The following KDM4C variants were observed in gnomAD, a reference collection of about 807,000 sequenced individuals.
KDM4C encodes the protein lysine demethylase 4C, also known as lysine-specific demethylase 4C.
In KDM4C, 81 loss-of-function variants were observed where a neutral mutation model predicts 129.3. The observed-to-expected ratio is 0.63, with a 90% CI of 0.52 to 0.75. KDM4C has a LOEUF of 0.75. Ranked by LOEUF, KDM4C falls within the 30% of genes least tolerant of loss-of-function variation. KDM4C has a pLI of 0.00. For missense variants in KDM4C, 1,457 were observed against 1,304.0 expected (o/e 1.12, Z -1.81); for synonymous variants, 573 against 456.1 (o/e 1.26, Z -3.26).
At chr9:7,165,729 C>T (rs1844312721) in intron 20 of KDM4C, among the ~76,000 whole-genome samples, 1 of 152,204 alleles carries the variant, frequency 6.6e-6, no homozygotes, top group East Asian at 1.9e-4. Context: ...ACCAGCAGCC[C>T]CTGAAGTGGT....
At chr9:6,734,906 G>T (rs1817473379) in intron 1 of KDM4C, 2 of 569,568 alleles carry the variant, frequency 3.5e-6, no homozygotes, top group African/African-American at 1.9e-5. Flanking sequence ...GTAGTCCCCA[G>T]TCTGTGCTAA....
In KDM4C at chr9:7,013,945, A is replaced by G. The variant is rs765220446; in HGVS notation, c.2126A>G (p.Glu709Gly). The G allele has an allele frequency of 6.2e-7, 1 of 1,613,934 alleles. No homozygotes were observed. Residue 709 changes from glutamate (E) to glycine (G), a missense_variant, in exon 14 of 22, where the codon GAG (glutamate) becomes GGG (glycine). By Grantham distance (98) the Glu-to-Gly change is moderately conservative. Transcript: ENST00000381309. Reference sequence around the variant, plus strand: ...TCTCCACCCAATGCCTTCCTTGAAGAGGATGGAACAAGTCTCCTTATTTCC... The same window carrying G: ...TCTCCACCCAATGCCTTCCTTGAAGGGGATGGAACAAGTCTCCTTATTTCC... ...EYSPPNAFLE[E>G]DGTSLLISCA...
At chr9:6,741,557 C>G (rs1191102166) in intron 1 of KDM4C, among the ~76,000 whole-genome samples, 1 of 151,982 alleles carries the variant, frequency 6.6e-6, no homozygotes, top group Non-Finnish European at 1.5e-5. Context: ...GAACTTATGG[C>G]AATTTATTCA....
chr9:6,731,755 C>A (rs1457995624), intron 1 of KDM4C, among the ~76,000 whole-genome samples: 2 of 152,160 alleles, frequency 1.3e-5, no homozygotes, highest in Non-Finnish European at 2.9e-5. Context: ...TCTCACTTAG[C>A]TGACAGTGTG....
rs192707806 is a variant in KDM4C, at chr9:7,014,011, T to C, written c.2182+10T>C. 6.4e-5 allele frequency: 102 copies of C among 1,597,512 alleles called. No homozygotes were observed. The East Asian group carries it at 2.0e-3, about 32-fold the overall frequency. On this transcript the variant is annotated intron_variant, in intron 14 of 21. Transcript: ENST00000381309. Reference sequence around the variant, plus strand: ...GTACGGGTTCATGCAAGTAAATGGATCTATAATTCATCAATCACTGGCTTT... The same window carrying C: ...GTACGGGTTCATGCAAGTAAATGGACCTATAATTCATCAATCACTGGCTTT...
chr9:6,865,887 A>T (rs1309272112), intron 5 of KDM4C, among the ~76,000 whole-genome samples: 1 of 152,170 alleles, frequency 6.6e-6, no homozygotes, highest in East Asian at 1.9e-4. Flanking sequence ...AGTAGCTGGG[A>T]CTACAGGCGC....
chr9:7,174,975 A>G lies in KDM4C; in HGVS notation c.*246A>G. 1 of 372,074 alleles carries G rather than the reference A, an allele frequency of 2.7e-6. No individual in the cohort carries two copies. 23.0% of individuals were successfully genotyped at this position (372,074 alleles called of 1,614,324 possible). A position where few individuals can be genotyped will look rare whatever the true frequency, so the allele number is the denominator to read the frequency against. ...GTGAGCAGTTGTCTTCTATGATCCC[A>G]AAGAAGTTTTCTAAGTGAAAGGAAA... On this transcript the variant is annotated 3_prime_UTR_variant, in exon 22 of 22. Transcript: ENST00000381309.
chr9:6,926,281 G>A (rs1452310566), intron 8 of KDM4C, among the ~76,000 whole-genome samples: 1 of 142,346 alleles, frequency 7.0e-6, no homozygotes, highest in African/African-American at 2.6e-5. Context: ...ATTAACTGAG[G>A]TAATATAAGG....
At chr9:7,014,818 A>G (rs1304692594) in intron 14 of KDM4C, among the ~76,000 whole-genome samples, 1 of 152,018 alleles carries the variant, frequency 6.6e-6, no homozygotes, top group East Asian at 1.9e-4. Flanking sequence ...ATCATTTATT[A>G]ATTAATTAGA....
At chr9:6,815,213 A>G (rs2131150813) in intron 4 of KDM4C, 1 of 152,142 alleles carries the variant, frequency 6.6e-6, no homozygotes, top group East Asian at 1.9e-4. Flanking sequence ...TTTAAAAAGT[A>G]CATGTTATTA....
chr9:6,836,141 T>G (rs1335578122), intron 4 of KDM4C, among the ~76,000 whole-genome samples: 1 of 151,950 alleles, frequency 6.6e-6, no homozygotes, highest in Non-Finnish European at 1.5e-5. Context: ...TTGAGACCAG[T>G]TGAATAAAAG....
intron 8 of KDM4C, among the ~76,000 whole-genome samples, chr9:6,972,670 A>C (rs1035657068): frequency 6.6e-6 from 1 of 152,204 alleles, no homozygotes; most frequent in Non-Finnish European, 1.5e-5. Context: ...TTGTTTTGCT[A>C]TTCATGAGTT....
intron 1 of KDM4C, among the ~76,000 whole-genome samples, chr9:6,741,470 G>A (rs13285531): frequency 0.085 from 12,954 of 152,056 alleles, 709 homozygotes; most frequent in Non-Finnish European, 0.12. Context: ...TATTTACTCG[G>A]GTATTTAGCC....
At chr9:6,945,326 C>T (rs1172070759) in intron 8 of KDM4C, among the ~76,000 whole-genome samples, 1 of 152,056 alleles carries the variant, frequency 6.6e-6, no homozygotes, top group Non-Finnish European at 1.5e-5. Context: ...TTAACTAAAC[C>T]AATTTTACCT....
chr9:6,987,994 CAA>C (rs1273840629), intron 11 of KDM4C, among the ~76,000 whole-genome samples: 2 of 143,194 alleles, frequency 1.4e-5, no homozygotes. Context: ...CCTGTGTCTA[CAA>C]AAAAAAAATA....
intron 20 of KDM4C, among the ~76,000 whole-genome samples, chr9:7,165,949 A>G (rs1319867339): frequency 1.3e-5 from 2 of 152,226 alleles, no homozygotes; most frequent in African/African-American, 2.4e-5. Context: ...ATTAAAGAGT[A>G]TATATACAAT....
chr9:6,917,016 T>G (rs146107790), intron 8 of KDM4C, among the ~76,000 whole-genome samples: 1 of 152,234 alleles, frequency 6.6e-6, no homozygotes, highest in African/African-American at 2.4e-5. Flanking sequence ...ACGAAGATTG[T>G]TGAGGTCATT....
chr9:6,758,470 C>T lies in KDM4C; in HGVS notation c.-18+267C>T, dbSNP rs564004015. Among the ~76,000 whole-genome samples, 46 of 152,336 alleles carry T rather than the reference C, an allele frequency of 3.0e-4. No individual in the cohort carries two copies. The highest frequency in any genetic ancestry group is 2.9e-3 in the South Asian group (14 of 4,834). On this transcript the variant is annotated intron_variant, in intron 1 of 21. Transcript: ENST00000381309. The surrounding 1 kb of genome is among the most constrained non-coding windows in gnomAD (Gnocchi z 4.6). The stretch of plus-strand genomic sequence containing the variant: ...TCGGTACCCGCGCTCGCCGTTTTCC[C>T]GGGATCCGGAGTCGGGGTCGCCTCC...
At chr9:6,799,919 A>G (rs1045720123) in intron 2 of KDM4C, among the ~76,000 whole-genome samples, 1 of 152,024 alleles carries the variant, frequency 6.6e-6, no homozygotes, top group African/African-American at 2.4e-5. Context: ...GATTGTTCAT[A>G]TTCTTTTCAA....
Sources: gnomAD v4.1 joint callset for allele counts (sites outside exome capture counted in the v4.1 genomes callset) on GRCh38, gnomAD v4.1.1 for gene constraint, Gnocchi (gnomAD v3.1) non-coding constraint, MANE v1.5 for transcripts, NCBI Gene and HGNC (gene_info 2026-07-23, HGNC 2026-07-21) for gene names.